The following MRE11 variants were observed in gnomAD, a reference collection of about 807,000 sequenced individuals.
MRE11 encodes double-strand break repair protein MRE11.
Under a neutral mutation model 91.7 loss-of-function variants are expected in MRE11, and 62 were observed. The ratio of observed to expected loss-of-function variants is 0.68; its 90% CI spans 0.55 to 0.84. The LOEUF (loss-of-function observed/expected upper bound fraction) is 0.84, where lower values mean the gene tolerates loss of function less well. Among genes scored for constraint, MRE11 ranks in the 40% least tolerant of loss-of-function variants. MRE11 has a pLI of 0.00. For missense variants in MRE11, 796 were observed against 852.9 expected (o/e 0.93, Z 0.83); for synonymous variants, 273 against 271.4 (o/e 1.01, Z -0.06).
intron 4 of MRE11, among the ~76,000 whole-genome samples, chr11:94,481,112 G>A (rs1031407782): frequency 9.2e-5 from 14 of 152,132 alleles, no homozygotes; most frequent in Admixed American, 7.2e-4. Context: ...AGTTCGAGAT[G>A]AGCCTGGCCA....
chr11:94,461,899 C>A (rs1303850013), intron 11 of MRE11, among the ~76,000 whole-genome samples: 3 of 152,058 alleles, frequency 2.0e-5, no homozygotes, highest in Non-Finnish European at 2.9e-5. Context: ...TACGGTGAAA[C>A]CCCGTCTCTA....
upstream of MRE11, chr11:94,496,909 AG>A: frequency 6.2e-7 from 1 of 1,613,800 alleles, no homozygotes; most frequent in Non-Finnish European, 8.5e-7. Context: ...AAATGGAAAA[AG>A]ACCCAAGCAG....
chr11:94,469,021 C>G (rs2135031181), intron 9 of MRE11, among the ~76,000 whole-genome samples: 1 of 152,198 alleles, frequency 6.6e-6, no homozygotes, highest in African/African-American at 2.4e-5. Flanking sequence ...AGAAGACACT[C>G]ACATGCTTAT....
the MRE11 span, among the ~76,000 whole-genome samples, chr11:94,508,763 C>CT: frequency 2.7e-3 from 371 of 139,030 alleles, 1 homozygote; most frequent in Middle Eastern, 7.5e-3. Context: ...CTACATTTAC[C>CT]TTTTTTTTTT....
Position 94,429,974 on chromosome 11 carries a change from T to G in MRE11, c.2007A>C (p.Thr669=). ...TCTGGGACATGATTTTGCTGGATGA[T>G]GTGCTGGACCACCTGAGGCAAAACA... ...TSKTDQRWSS[T]SSSKIMSQSQ... Residue 669 remains threonine, a synonymous_variant, in exon 19 of 20, where the codon ACA becomes ACC. Coordinates refer to ENST00000323929, the MANE Select transcript of MRE11 (RefSeq NM_005591.4). 1.2e-6 allele frequency: 2 copies of G among 1,614,150 alleles called. No individual in the cohort carries two copies. The highest frequency in any genetic ancestry group is 1.7e-6 in the Non-Finnish European group (2 of 1,180,010).
chr11:94,449,533 T>A (rs1946038335), intron 14 of MRE11, among the ~76,000 whole-genome samples: 1 of 152,230 alleles, frequency 6.6e-6, no homozygotes, highest in Non-Finnish European at 1.5e-5. Flanking sequence ...TATTCCCAGC[T>A]GAGGCTGAAC....
At chr11:94,465,923 G>A (rs1401731727) in intron 10 of MRE11, among the ~76,000 whole-genome samples, 2 of 152,090 alleles carry the variant, frequency 1.3e-5, no homozygotes, top group Non-Finnish European at 2.9e-5. Context: ...AGAAAAACAT[G>A]TAAACAGATC....
chr11:94,430,866 T>C (rs1336093333), intron 18 of MRE11, among the ~76,000 whole-genome samples: 1 of 152,198 alleles, frequency 6.6e-6, no homozygotes, highest in Non-Finnish European at 1.5e-5. Context: ...TAAGCAAATC[T>C]AGCCCACCAC....
chr11:94,422,044 T>C (rs553261888), intron 19 of MRE11, among the ~76,000 whole-genome samples: 1 of 152,322 alleles, frequency 6.6e-6, no homozygotes, highest in South Asian at 2.1e-4. Flanking sequence ...TGTTATGCTT[T>C]TGCTACAATT....
At chr11:94,486,657 T>C (rs1329308503) in intron 3 of MRE11, among the ~76,000 whole-genome samples, 1 of 152,136 alleles carries the variant, frequency 6.6e-6, no homozygotes, top group Non-Finnish European at 1.5e-5. Context: ...TAAGTCAAAC[T>C]CTGGGGTGCA....
chr11:94,468,842 CAT>C (rs1370003071), intron 9 of MRE11, among the ~76,000 whole-genome samples: 1 of 151,662 alleles, frequency 6.6e-6, no homozygotes, highest in Non-Finnish European at 1.5e-5. Flanking sequence ...GTAAACGCCA[CAT>C]GTGCTAGTGA....
chr11:94,427,581 C>T (rs1284520231), intron 19 of MRE11, among the ~76,000 whole-genome samples: 1 of 151,994 alleles, frequency 6.6e-6, no homozygotes, highest in Non-Finnish European at 1.5e-5. Context: ...GACATCCAAA[C>T]AGGAAAAGAA....
In MRE11 at chr11:94,419,464, G is replaced by C. The variant is rs1945110316; in HGVS notation, c.*661C>G. The C allele has an allele frequency of 2.7e-5, 6 of 221,916 alleles. 1 individual carries two copies. The South Asian group carries it at 1.2e-3, about 45-fold the overall frequency. 13.7% of individuals were successfully genotyped at this position (221,916 alleles called of 1,614,324 possible). A position where few individuals can be genotyped will look rare whatever the true frequency, so the allele number is the denominator to read the frequency against. ...GGAAGAGTGGGGAACGGGGGGGAGA[G>C]GGAGAGAGAGAGAGAGAGAGAGAGA... On this transcript the variant is annotated 3_prime_UTR_variant, in exon 20 of 20. Transcript: ENST00000323929.
Position 94,418,757 on chromosome 11 carries a change from T to G in MRE11, c.*1368A>C. 4.3e-6 allele frequency: 1 copy of G among 232,432 alleles called. No individual in the cohort carries two copies. The highest frequency in any genetic ancestry group is 8.5e-6 in the Non-Finnish European group (1 of 117,530). 14.4% of individuals were successfully genotyped at this position (232,432 alleles called of 1,614,324 possible). On this transcript the variant is annotated 3_prime_UTR_variant, in exon 20 of 20. Transcript: ENST00000323929. ...TGCCTTCCACTGAGTTAATGTTACT[T>G]GCTCAAATAACCCTTATGCTCAAGT...
intron 18 of MRE11, among the ~76,000 whole-genome samples, chr11:94,435,596 T>C (rs1175660090): frequency 6.6e-6 from 1 of 152,042 alleles, no homozygotes; most frequent in Non-Finnish European, 1.5e-5. Context: ...AAAGCACTAA[T>C]AAAGTCAAAA....
chr11:94,461,891 C>T (rs1330704062), intron 11 of MRE11, among the ~76,000 whole-genome samples: 2 of 151,940 alleles, frequency 1.3e-5, no homozygotes, highest in South Asian at 2.1e-4. Flanking sequence ...CTGGATAATA[C>T]GGTGAAACCC....
At chr11:94,488,670 G>A (rs1272645763) in intron 3 of MRE11, among the ~76,000 whole-genome samples, 1 of 152,174 alleles carries the variant, frequency 6.6e-6, no homozygotes, top group Non-Finnish European at 1.5e-5. Flanking sequence ...GATGGAGCTG[G>A]AGGCCATCAT....
intron 3 of MRE11, among the ~76,000 whole-genome samples, chr11:94,486,481 A>G (rs1947145989): frequency 6.6e-6 from 1 of 152,238 alleles, no homozygotes; most frequent in Non-Finnish European, 1.5e-5. Flanking sequence ...AGAAGCTCAA[A>G]AAATAGCAAT....
rs928016439 is a variant in MRE11, at chr11:94,472,741, T to C, written c.660-982A>G. Among the ~76,000 whole-genome samples, 20 of 152,256 alleles carry C rather than the reference T, an allele frequency of 1.3e-4. 1 individual carries two copies. The highest frequency in any genetic ancestry group is 1.2e-3 in the Admixed American group (18 of 15,276). ...CTTAAGGCCATGTGTATAAGGTATA[T>C]ATAAAATGTAAACAAATTTCATGTT... On this transcript the variant is annotated intron_variant, in intron 7 of 19. Transcript: ENST00000323929.
Sources: gnomAD v4.1 joint callset for allele counts (sites outside exome capture counted in the v4.1 genomes callset) on GRCh38, gnomAD v4.1.1 for gene constraint, MANE v1.5 for transcripts, NCBI Gene and HGNC (gene_info 2026-07-23, HGNC 2026-07-21) for gene names.